ANKIB1: variants seen among roughly 807,000 people sequenced by gnomAD.
ANKIB1 encodes ankyrin repeat and IBR domain containing 1, also known as ankyrin repeat and IBR domain-containing protein 1.
A neutral mutation model predicts 122.1 loss-of-function variants in ANKIB1; 43 were observed. That is an observed-to-expected ratio of 0.35 (90% CI 0.28 to 0.45). The LOEUF (loss-of-function observed/expected upper bound fraction) is 0.45, where lower values mean the gene tolerates loss of function less well. Ranked by LOEUF, ANKIB1 falls within the 20% of genes least tolerant of loss-of-function variation. The probability of loss-of-function intolerance (pLI) is 1.00; values close to 1 mark genes in which losing one functional copy is unlikely to be tolerated. For missense variants in ANKIB1, 992 were observed against 1,329.5 expected (o/e 0.75, Z 3.95); for synonymous variants, 390 against 442.0 (o/e 0.88, Z 1.48).
intron 1 of ANKIB1, among the ~76,000 whole-genome samples, chr7:92,286,773 G>C (rs1002690670): frequency 4.6e-5 from 7 of 152,132 alleles, no homozygotes; most frequent in African/African-American, 1.7e-4. Context: ...ACCACGCCTG[G>C]CTTATTATCC....
chr7:92,353,192 C>T (rs1803701901), intron 9 of ANKIB1, among the ~76,000 whole-genome samples: 1 of 151,954 alleles, frequency 6.6e-6, no homozygotes, highest in African/African-American at 2.4e-5. Context: ...GAGTGGGGCT[C>T]TAAAAAAAGA....
At chr7:92,384,174 ACAAGGGATGTGAAGGACCTCTT>A (rs1447195474) in intron 11 of ANKIB1, among the ~76,000 whole-genome samples, 6 of 152,226 alleles carry the variant, frequency 3.9e-5, no homozygotes, top group Non-Finnish European at 8.8e-5. Context: ...AATCCAATTT[ACAAGGGATGTGAAGGACCTCTT>A]CAAGGAGAGC....
At chr7:92,331,130 A>G (rs928678977) in intron 5 of ANKIB1, among the ~76,000 whole-genome samples, 10 of 152,210 alleles carry the variant, frequency 6.6e-5, no homozygotes, top group Non-Finnish European at 1.5e-4. Context: ...CTGCTGAACA[A>G]AAATGTAGGA....
chr7:92,253,763 G>C (rs1260990109), intron 1 of ANKIB1, among the ~76,000 whole-genome samples: 1 of 151,578 alleles, frequency 6.6e-6, no homozygotes, highest in Non-Finnish European at 1.5e-5. Flanking sequence ...TGTACATTCA[G>C]ACACACACAT....
In ANKIB1 at chr7:92,364,310, TAAAAAAAAAAAAAAAAA is replaced by T. The variant is rs762884822; in HGVS notation, c.1486+2050_1486+2066del. Among the ~76,000 whole-genome samples, 7 of 33,530 alleles carry T rather than the reference TAAAAAAAAAAAAAAAAA, an allele frequency of 2.1e-4. No individual in the cohort carries two copies. The East Asian group carries it at 5.4e-3, about 26-fold the overall frequency. The allele number at this position is 33,530 out of a possible 152,430, so 22.0% of individuals were successfully genotyped here. On this transcript the variant is annotated intron_variant, in intron 10 of 19. Coordinates refer to ENST00000265742, the MANE Select transcript of ANKIB1 (RefSeq NM_019004.2). Reference sequence around the variant, plus strand: ...CTGGATGCCAGAGCAAGACTCCATCTAAAAAAAAAAAAAAAAAAAAAAAAAAAAAGCCTTTATAGATT... The same window carrying T: ...CTGGATGCCAGAGCAAGACTCCATCTAAAAAAAAAAAAGCCTTTATAGATT...
At position 92,398,776 on chromosome 7, in the gene ANKIB1, A is replaced by T; in HGVS notation, c.3097A>T (p.Arg1033Ter). Residue 1033 changes from arginine (R) to a stop codon, truncating the protein, a stop_gained, in exon 20 of 20, where the codon AGA becomes TGA. Coordinates refer to ENST00000265742, the MANE Select transcript of ANKIB1 (RefSeq NM_019004.2). LOFTEE classifies it high-confidence loss of function. ...TGAAGATGCCAGTGTCAGTGAAGGTAGAGGAACCCAGATAGAAGAAAATCC... is the reference window on the plus strand; with the variant it reads ...TGAAGATGCCAGTGTCAGTGAAGGTTGAGGAACCCAGATAGAAGAAAATCC... ...MFEDASVSEG[R>*]GTQIEENPLE... The T allele has an allele frequency of 6.2e-7, 1 of 1,612,750 alleles. No individual in the cohort carries two copies. Among genetic ancestry groups the T allele is most frequent in the East Asian group, 2.2e-5 (1 of 44,784 alleles).
intron 10 of ANKIB1, among the ~76,000 whole-genome samples, chr7:92,368,401 T>C (rs891721131): frequency 2.6e-5 from 4 of 151,616 alleles, no homozygotes; most frequent in African/African-American, 9.7e-5. Flanking sequence ...TGAAGGGAGA[T>C]ACGGTGTTGT....
intron 1 of ANKIB1, among the ~76,000 whole-genome samples, chr7:92,257,786 C>A (rs559921162): frequency 7.2e-4 from 110 of 152,266 alleles, no homozygotes; most frequent in African/African-American, 2.6e-3. Flanking sequence ...GAGTGAAACT[C>A]TGTCTCAAAA....
At chr7:92,286,509 C>T (rs1202188008) in intron 1 of ANKIB1, among the ~76,000 whole-genome samples, 19 of 136,942 alleles carry the variant, frequency 1.4e-4, no homozygotes, top group African/African-American at 2.2e-4. Flanking sequence ...GACGGAGTTT[C>T]GCTTTTGTTG....
intron 6 of ANKIB1, among the ~76,000 whole-genome samples, chr7:92,344,586 C>G (rs370779117): frequency 6.6e-6 from 1 of 152,068 alleles, no homozygotes; most frequent in South Asian, 2.1e-4. Context: ...CAAAGTTACT[C>G]TGTTTTCATA....
At chr7:92,264,713 C>T (rs1471923380) in intron 1 of ANKIB1, among the ~76,000 whole-genome samples, 1 of 151,992 alleles carries the variant, frequency 6.6e-6, no homozygotes, top group Non-Finnish European at 1.5e-5. Flanking sequence ...TGCCCAGCCT[C>T]ATTTGTCAAT....
At chr7:92,348,752 T>C (rs979823312) in intron 7 of ANKIB1, among the ~76,000 whole-genome samples, 19 of 151,698 alleles carry the variant, frequency 1.3e-4, no homozygotes, top group African/African-American at 4.6e-4. Context: ...TGTGAAAAAA[T>C]GGATAAGGAT....
chr7:92,305,223 G>A (rs1802534813), intron 2 of ANKIB1, among the ~76,000 whole-genome samples: 1 of 152,128 alleles, frequency 6.6e-6, no homozygotes, highest in Non-Finnish European at 1.5e-5. Context: ...TTAGTTGTTA[G>A]GAGCTATTAT....
intron 6 of ANKIB1, among the ~76,000 whole-genome samples, chr7:92,344,598 ATT>A (rs1229910170): frequency 1.3e-5 from 2 of 152,080 alleles, no homozygotes; most frequent in Non-Finnish European, 2.9e-5. Flanking sequence ...GTTTTCATAG[ATT>A]TTGAAGGGTA....
At chr7:92,305,511 AAC>A (rs1802541803) in intron 2 of ANKIB1, among the ~76,000 whole-genome samples, 1 of 152,212 alleles carries the variant, frequency 6.6e-6, no homozygotes, top group African/African-American at 2.4e-5. Context: ...GGGAGAAGGG[AAC>A]AGACAGGTAA....
chr7:92,310,271 A>G (rs1012650047), intron 3 of ANKIB1, among the ~76,000 whole-genome samples: 6 of 151,990 alleles, frequency 3.9e-5, no homozygotes, highest in African/African-American at 1.2e-4. Flanking sequence ...GATTGTTTTC[A>G]TTTTCTGTAT....
At chr7:92,321,169 AGTGTT>A (rs1802903683) in intron 4 of ANKIB1, among the ~76,000 whole-genome samples, 1 of 152,060 alleles carries the variant, frequency 6.6e-6, no homozygotes, top group African/African-American at 2.4e-5. Flanking sequence ...TTGGGAGTAT[AGTGTT>A]GTGTTTTGAT....
intron 8 of ANKIB1, among the ~76,000 whole-genome samples, chr7:92,351,768 T>A (rs1347888846): frequency 1.3e-5 from 2 of 148,776 alleles, no homozygotes; most frequent in African/African-American, 2.5e-5. Context: ...TCTCCCAGGC[T>A]GGAGTGCAGT....
In ANKIB1 at chr7:92,370,560, CAT is replaced by C. The variant is rs1430705994; in HGVS notation, c.1487-915_1487-914del. Reference sequence around the variant, plus strand: ...AAAAAAGTTGGTTAATGGGGACAAACATAGAGTTAGATAGAGGACAATATTTC... The same window carrying C: ...AAAAAAGTTGGTTAATGGGGACAAACAGAGTTAGATAGAGGACAATATTTC... On this transcript the variant is annotated intron_variant, in intron 10 of 19. Coordinates refer to ENST00000265742, the MANE Select transcript of ANKIB1 (RefSeq NM_019004.2). Among the ~76,000 whole-genome samples the C allele has an allele frequency of 4.9e-4, 41 of 83,340 alleles. 1 individual carries two copies. Among genetic ancestry groups the C allele is most frequent in the African/African-American group, 1.5e-3 (39 of 25,276 alleles). The allele number at this position is 83,340 out of a possible 152,430, so 54.7% of individuals were successfully genotyped here.
Sources: gnomAD v4.1 joint callset for allele counts (sites outside exome capture counted in the v4.1 genomes callset) on GRCh38, gnomAD v4.1.1 for gene constraint, MANE v1.5 for transcripts, NCBI Gene and HGNC (gene_info 2026-07-23, HGNC 2026-07-21) for gene names.